The following CALN1 variants were observed in gnomAD, a reference collection of about 807,000 sequenced individuals.
The protein encoded by CALN1 is calcium-binding protein 8.
A neutral mutation model predicts 30.6 loss-of-function variants in CALN1; 17 were observed. That is an observed-to-expected ratio of 0.56 (90% CI 0.38 to 0.83). The LOEUF (loss-of-function observed/expected upper bound fraction) is 0.83, where lower values mean the gene tolerates loss of function less well. Among genes scored for constraint, CALN1 ranks in the 40% least tolerant of loss-of-function variants. The probability of loss-of-function intolerance (pLI) is 0.00; values close to 1 mark genes in which losing one functional copy is unlikely to be tolerated. For missense variants in CALN1, 291 were observed against 354.9 expected, an observed-to-expected ratio of 0.82 and a Z score of 1.45; for synonymous variants, 156 against 131.4, an observed-to-expected ratio of 1.19 and a Z score of -1.28.
rs565028395 is a variant in CALN1, at chr7:72,365,761, A to G, written c.119+37490T>C. Among the ~76,000 whole-genome samples, 5 of 152,318 alleles carry G rather than the reference A, an allele frequency of 3.3e-5. No individual in the cohort carries two copies. The East Asian group carries it at 9.6e-4, about 29-fold the overall frequency. On this transcript the variant is annotated intron_variant, in intron 2 of 6. Transcript: ENST00000395275. ...GGTGTGTAAGATCACGAATAATCAA[A>G]GAAACATTATCTAATGCAAAGATGT...
chr7:72,074,137 T>A (rs1411551892), intron 4 of CALN1, among the ~76,000 whole-genome samples: 1 of 152,198 alleles, frequency 6.6e-6, no homozygotes, highest in Non-Finnish European at 1.5e-5. Context: ...AAAACTACTG[T>A]ATTAGTCTTT....
At chr7:72,255,789 G>A (rs1795868470) in intron 3 of CALN1, among the ~76,000 whole-genome samples, 1 of 150,234 alleles carries the variant, frequency 6.7e-6, no homozygotes. Context: ...GGAGTGCAGT[G>A]GCGCAATCTC....
At chr7:72,410,642 A>C (rs1807060566) in intron 1 of CALN1, among the ~76,000 whole-genome samples, 1 of 152,224 alleles carries the variant, frequency 6.6e-6, no homozygotes, top group South Asian at 2.1e-4. Context: ...AAATTCGCAT[A>C]AGCAAAACAC....
At chr7:72,017,762 CATGAATAAGGTTTGATT>C (rs1156399619) in intron 5 of CALN1, among the ~76,000 whole-genome samples, 2 of 152,122 alleles carry the variant, frequency 1.3e-5, no homozygotes, top group African/African-American at 2.4e-5. Context: ...GTGAAGTCTT[CATGAATAAGGTTTGATT>C]GTGAATAAGA....
chr7:72,336,977 G>GTGCC, intron 2 of CALN1: 3 of 985,238 alleles, frequency 3.0e-6, no homozygotes, highest in Non-Finnish European at 3.6e-6. Flanking sequence ...ATCTGGGCGC[G>GTGCC]TGCCTCCCTG....
chr7:72,209,592 T>G (rs994335321), intron 3 of CALN1, among the ~76,000 whole-genome samples: 5 of 151,720 alleles, frequency 3.3e-5, no homozygotes, highest in African/African-American at 1.2e-4. Context: ...CAATCAATGG[T>G]TTTTAGTATA....
chr7:72,277,655 T>C (rs745873676), intron 3 of CALN1, among the ~76,000 whole-genome samples: 9 of 152,162 alleles, frequency 5.9e-5, no homozygotes, highest in Non-Finnish European at 1.3e-4. Flanking sequence ...AGCTATTCAA[T>C]GGCCTCTCCT....
chr7:72,175,110 G>C (rs1043134506), intron 3 of CALN1, among the ~76,000 whole-genome samples: 11 of 150,848 alleles, frequency 7.3e-5, no homozygotes, highest in Non-Finnish European at 1.0e-4. Flanking sequence ...GTCTCACTCT[G>C]TCACCCAGGC....
chr7:72,009,744 C>T (rs944101268), intron 5 of CALN1, among the ~76,000 whole-genome samples: 4 of 152,252 alleles, frequency 2.6e-5, no homozygotes, highest in Admixed American at 6.5e-5. Context: ...GGTTTTATAA[C>T]GGGTTTCCCT....
intron 2 of CALN1, among the ~76,000 whole-genome samples, chr7:72,341,537 CA>C (rs1802385445): frequency 7.8e-6 from 1 of 128,374 alleles, no homozygotes; most frequent in South Asian, 2.5e-4. Context: ...AACAAAAAAA[CA>C]GACAAACAAA....
chr7:71,868,272 G>A (rs977265579), intron 5 of CALN1, among the ~76,000 whole-genome samples: 1 of 152,110 alleles, frequency 6.6e-6, no homozygotes, highest in African/African-American at 2.4e-5. Flanking sequence ...TTCTGCTCCT[G>A]GAGAGGCTGC....
intron 4 of CALN1, among the ~76,000 whole-genome samples, chr7:72,097,703 T>C (rs80065172): frequency 1.0e-4 from 9 of 87,630 alleles, no homozygotes; most frequent in South Asian, 6.8e-4. Flanking sequence ...TTTTTGACTA[T>C]TTTTTTTTCT....
chr7:72,076,408 G>T (rs149506077), intron 4 of CALN1, among the ~76,000 whole-genome samples: 2,375 of 151,446 alleles, frequency 0.016, 45 homozygotes, highest in African/African-American at 0.055. Context: ...AGACCAGCCT[G>T]ACCAACATGG....
At chr7:72,183,300 GATAAC>G (rs545248086) in intron 3 of CALN1, among the ~76,000 whole-genome samples, 10 of 152,236 alleles carry the variant, frequency 6.6e-5, no homozygotes, top group Middle Eastern at 3.4e-3. Context: ...TTTTTTAAAA[GATAAC>G]AGAAGAAGGC....
intron 3 of CALN1, among the ~76,000 whole-genome samples, chr7:72,210,768 T>G (rs1260353143): frequency 6.6e-6 from 1 of 152,010 alleles, no homozygotes; most frequent in East Asian, 1.9e-4. Context: ...GGGATTACAA[T>G]GCAAGATGAG....
chr7:71,803,949 C>CGTGTGT (rs56094367), intron 6 of CALN1, among the ~76,000 whole-genome samples: 1 of 149,746 alleles, frequency 6.7e-6, no homozygotes, highest in Non-Finnish European at 1.5e-5. Context: ...TATGTGTGTG[C>CGTGTGT]GTGTGTGTGT....
At chr7:71,863,442 C>T (rs1463888619) in intron 5 of CALN1, among the ~76,000 whole-genome samples, 1 of 151,168 alleles carries the variant, frequency 6.6e-6, no homozygotes, top group Non-Finnish European at 1.5e-5. Context: ...CCTGTAGTCC[C>T]AGCTACTCCG....
At chr7:72,331,907 A>G (rs1243858581) in intron 2 of CALN1, among the ~76,000 whole-genome samples, 1 of 152,136 alleles carries the variant, frequency 6.6e-6, no homozygotes, top group South Asian at 2.1e-4. Flanking sequence ...CCATGGGTCC[A>G]TATGTTCTCA....
intron 3 of CALN1, among the ~76,000 whole-genome samples, chr7:72,178,392 A>T (rs1789519800): frequency 6.6e-6 from 1 of 152,198 alleles, no homozygotes; most frequent in Non-Finnish European, 1.5e-5. Context: ...GTAACTGCTA[A>T]CTAAAAAAGG....
Sources: gnomAD v4.1 joint callset for allele counts (sites outside exome capture counted in the v4.1 genomes callset) on GRCh38, gnomAD v4.1.1 for gene constraint, MANE v1.5 for transcripts, NCBI Gene and HGNC (gene_info 2026-07-23, HGNC 2026-07-21) for gene names.